Variants in DAP observed in about 807,000 individuals in gnomAD.
The protein encoded by DAP is death associated protein.
DAP carries 8 observed loss-of-function variants against 13.8 expected under a neutral mutation model. That is an observed-to-expected ratio of 0.58 (90% CI 0.34 to 1.05). The LOEUF is 1.05. DAP is among the 50% of genes least tolerant of loss of function. DAP has a pLI of 0.03. For synonymous variants in DAP, 47 were observed against 47.5 expected, an observed-to-expected ratio of 0.99 and a Z score of 0.04; for missense variants, 106 against 133.2, an observed-to-expected ratio of 0.80 and a Z score of 1.01.
chr5:10,710,171 C>A (rs1406532973), intron 2 of DAP, among the ~76,000 whole-genome samples: 1 of 152,246 alleles, frequency 6.6e-6, no homozygotes, highest in African/African-American at 2.4e-5. Context: ...AACAATCCAG[C>A]CCCGAAGCCT....
In DAP at chr5:10,680,831, C is replaced by A. The variant is rs773983852; in HGVS notation, c.*225G>T. The A allele has an allele frequency of 3.3e-5, 50 of 1,536,860 alleles. No homozygotes were observed. Among genetic ancestry groups the A allele is most frequent in the Non-Finnish European group, 4.1e-5 (47 of 1,147,050 alleles). On this transcript the variant is annotated 3_prime_UTR_variant, in exon 4 of 4. Coordinates refer to ENST00000230895, the MANE Select transcript of DAP (RefSeq NM_004394.3). ...TCTGCTAATGGCACCTCTAGGGGCA[C>A]AATGATCCTCAAATGACATCCAACC...
At chr5:10,695,929 G>C (rs957159305) in intron 2 of DAP, among the ~76,000 whole-genome samples, 1 of 151,928 alleles carries the variant, frequency 6.6e-6, no homozygotes, top group Non-Finnish European at 1.5e-5. Flanking sequence ...GGGTGAATAG[G>C]GCTCATCAGT....
chr5:10,724,601 G>A (rs994917130), intron 2 of DAP, among the ~76,000 whole-genome samples: 2 of 152,184 alleles, frequency 1.3e-5, no homozygotes, highest in African/African-American at 4.8e-5. Flanking sequence ...GACCAGGGGA[G>A]GCTGGCTCTT....
chr5:10,744,258 T>C (rs1477790208), intron 2 of DAP, among the ~76,000 whole-genome samples: 1 of 152,240 alleles, frequency 6.6e-6, no homozygotes, highest in Non-Finnish European at 1.5e-5. Context: ...CTCATTTTCA[T>C]ATCTGAACAA....
chr5:10,716,634 T>G (rs1441617907), intron 2 of DAP, among the ~76,000 whole-genome samples: 3 of 152,186 alleles, frequency 2.0e-5, no homozygotes, highest in Non-Finnish European at 4.4e-5. Flanking sequence ...GCTGGACGCT[T>G]CCTGCCCTCA....
At chr5:10,722,437 C>T (rs1739164788) in intron 2 of DAP, among the ~76,000 whole-genome samples, 1 of 151,982 alleles carries the variant, frequency 6.6e-6, no homozygotes, top group Non-Finnish European at 1.5e-5. Flanking sequence ...TGCAGACAGC[C>T]TACTGTGGGA....
At chr5:10,683,389 G>T in intron 3 of DAP, 140 bp downstream of exon 3, 1 of 886,620 alleles carries the variant, frequency 1.1e-6, no homozygotes, top group South Asian at 1.3e-5. Context: ...ACGCGGCAAT[G>T]AAGAGAGCCA....
At chr5:10,759,230 T>C (rs188776845) in intron 1 of DAP, among the ~76,000 whole-genome samples, 2 of 152,334 alleles carry the variant, frequency 1.3e-5, no homozygotes, top group East Asian at 3.9e-4. Context: ...CTGTATGCAA[T>C]TTAATTACTG....
chr5:10,750,521 GA>G (rs1740022085), intron 1 of DAP, among the ~76,000 whole-genome samples: 1 of 152,294 alleles, frequency 6.6e-6, no homozygotes, highest in Non-Finnish European at 1.5e-5. Flanking sequence ...GGGGCAGAAG[GA>G]AACAGAATCC....
In DAP at chr5:10,681,167, A is replaced by G; in HGVS notation, c.198T>C (p.Gly66=). The change falls in exon 4 of 4, where the codon GGT becomes GGC. Residue 66 remains glycine (G), a splice_region_variant and synonymous_variant. Transcript: ENST00000230895. ...TVFISGVIAR[G]DKDFPPAAAQ... Reference sequence around the variant, plus strand: ...CAGCCGCCGGGGGGAAATCTTTGTCACCCTGTCAGGAAACACGGAAAGCTC... The same window carrying G: ...CAGCCGCCGGGGGGAAATCTTTGTCGCCCTGTCAGGAAACACGGAAAGCTC... 6 of 1,497,894 alleles carry G rather than the reference A, an allele frequency of 4.0e-6. No homozygotes were observed. In the South Asian group the frequency reaches 8.4e-5, roughly 21 times the overall value. The allele number at this position is 1,497,894 out of a possible 1,614,324, so 92.8% of individuals were successfully genotyped here. A position where few individuals can be genotyped will look rare whatever the true frequency, so the allele number is the denominator to read the frequency against.
rs764872902 is a variant in DAP at position 10,693,122 on chromosome 5, A to ACG, written c.153-9553_153-9552dup. Among the ~76,000 whole-genome samples, 295 of 42,346 alleles carry ACG rather than the reference A, an allele frequency of 7.0e-3. 3 individuals carry two copies. Among genetic ancestry groups the ACG allele is most frequent in the Non-Finnish European group, 8.1e-3 (182 of 22,588 alleles). 27.8% of individuals were successfully genotyped at this position (42,346 alleles called of 152,430 possible). A position where few individuals can be genotyped will look rare whatever the true frequency, so the allele number is the denominator to read the frequency against. ...TTCTGGGATGGGGAGAAACATGCAC[A>ACG]CGCACACACACACACACACACACAC... On this transcript the variant is annotated intron_variant, in intron 2 of 3. Transcript: ENST00000230895.
intron 1 of DAP, among the ~76,000 whole-genome samples, chr5:10,754,840 G>T (rs1273544152): frequency 6.6e-6 from 1 of 152,226 alleles, no homozygotes; most frequent in Non-Finnish European, 1.5e-5. Flanking sequence ...TAGTTGGATT[G>T]GGGGCATCAA....
chr5:10,683,259 G>A, intron 3 of DAP: 1 of 533,450 alleles, frequency 1.9e-6, no homozygotes. Context: ...TTTGCTGATG[G>A]GAGTTCACTG....
intron 2 of DAP, among the ~76,000 whole-genome samples, chr5:10,696,026 C>G (rs1738430745): frequency 6.6e-6 from 1 of 152,154 alleles, no homozygotes; most frequent in Non-Finnish European, 1.5e-5. Context: ...CATTTTCCCT[C>G]TAGACACAGC....
chr5:10,733,088 C>A (rs1373181241), intron 2 of DAP, among the ~76,000 whole-genome samples: 1 of 151,904 alleles, frequency 6.6e-6, no homozygotes, highest in East Asian at 1.9e-4. Context: ...GCATAATGAC[C>A]TCCAGGTTCC....
intron 3 of DAP, chr5:10,683,191 G>T: frequency 2.8e-6 from 1 of 353,478 alleles, no homozygotes; most frequent in Non-Finnish European, 5.2e-6. Context: ...ATAAGAAAGT[G>T]AATGTTCTGA....
chr5:10,708,331 C>CAG (rs1387490391), intron 2 of DAP, among the ~76,000 whole-genome samples: 2 of 150,920 alleles, frequency 1.3e-5, no homozygotes, highest in African/African-American at 5.0e-5. Context: ...CAGACACACA[C>CAG]ATATACACAC....
intron 2 of DAP, among the ~76,000 whole-genome samples, chr5:10,740,670 G>A (rs888441925): frequency 6.6e-6 from 1 of 152,086 alleles, no homozygotes; most frequent in Non-Finnish European, 1.5e-5. Flanking sequence ...TTTTTAACTA[G>A]GAATTCAATA....
At chr5:10,742,155 A>T (rs953862665) in intron 2 of DAP, among the ~76,000 whole-genome samples, 16 of 152,212 alleles carry the variant, frequency 1.1e-4, no homozygotes, top group African/African-American at 3.9e-4. Context: ...TCTACAAAAA[A>T]GAGCTATCCG....
Sources: allele counts gnomAD v4.1 joint callset (sites outside exome capture counted in the v4.1 genomes callset), GRCh38; gene constraint gnomAD v4.1.1; transcripts MANE v1.5; gene names NCBI Gene and HGNC (gene_info 2026-07-23, HGNC 2026-07-21).